ADGRL3: variants seen among roughly 807,000 people sequenced by gnomAD.
ADGRL3 encodes the protein calcium-independent alpha-latrotoxin receptor 3.
ADGRL3 carries 62 observed loss-of-function variants against 153.5 expected under a neutral mutation model. The observed-to-expected ratio is 0.40, with a 90% confidence interval of 0.33 to 0.50. The LOEUF (loss-of-function observed/expected upper bound fraction) is 0.50, where lower values mean the gene tolerates loss of function less well. Among genes scored for constraint, ADGRL3 ranks in the 20% least tolerant of loss-of-function variants. The pLI is 0.47. For missense variants in ADGRL3, 1,641 were observed against 1,859.4 expected (o/e 0.88, Z 2.16); for synonymous variants, 710 against 672.5 (o/e 1.06, Z -0.86).
chr4:61,219,827 G>A (rs1744564654), intron 1 of ADGRL3, among the ~76,000 whole-genome samples: 1 of 152,034 alleles, frequency 6.6e-6, no homozygotes, highest in Non-Finnish European at 1.5e-5. Context: ...AAAGTCATCT[G>A]CCAGGTGCAG....
At chr4:61,890,368 A>G (rs554520957) in intron 9 of ADGRL3, among the ~76,000 whole-genome samples, 309 of 152,340 alleles carry the variant, frequency 2.0e-3, no homozygotes, top group African/African-American at 7.2e-3. Flanking sequence ...CTACCACTGT[A>G]ACAATACCCA....
intron 5 of ADGRL3, among the ~76,000 whole-genome samples, chr4:61,669,776 A>G (rs2094928989): frequency 1.3e-5 from 2 of 152,024 alleles, no homozygotes; most frequent in Admixed American, 1.3e-4. Context: ...GGCACAAGGC[A>G]CTCTTTTTTA....
At chr4:61,520,818 T>A (rs1460371380) in intron 4 of ADGRL3, among the ~76,000 whole-genome samples, 1 of 152,016 alleles carries the variant, frequency 6.6e-6, no homozygotes, top group Non-Finnish European at 1.5e-5. Flanking sequence ...AGGGATTTTT[T>A]TTTCCTGTGA....
chr4:61,437,995 A>C (rs572143217), intron 2 of ADGRL3, among the ~76,000 whole-genome samples: 56 of 152,272 alleles, frequency 3.7e-4, no homozygotes, highest in African/African-American at 1.3e-3. Context: ...CAGCATACTT[A>C]ACAGAATTTT....
chr4:61,825,926 C>T (rs1174774641), intron 9 of ADGRL3, among the ~76,000 whole-genome samples: 1 of 152,148 alleles, frequency 6.6e-6, no homozygotes, highest in Non-Finnish European at 1.5e-5. Context: ...GGAACCTGAT[C>T]ACTGCTCCTC....
intron 2 of ADGRL3, among the ~76,000 whole-genome samples, chr4:61,386,043 G>A (rs1458025563): frequency 6.6e-6 from 1 of 152,138 alleles, no homozygotes; most frequent in African/African-American, 2.4e-5. Context: ...GATGGTGGTG[G>A]TTGTTTGAAA....
chr4:61,437,550 A>G (rs1032634403), intron 2 of ADGRL3, among the ~76,000 whole-genome samples: 10 of 152,190 alleles, frequency 6.6e-5, no homozygotes, highest in African/African-American at 2.2e-4. Flanking sequence ...TTGAGTTTAC[A>G]TGAAAGGTTT....
At chr4:61,232,308 C>T (rs1750991476) in intron 1 of ADGRL3, among the ~76,000 whole-genome samples, 1 of 102,118 alleles carries the variant, frequency 9.8e-6, no homozygotes, top group Admixed American at 1.2e-4. Context: ...AACAATGTCA[C>T]TTCATTTTTT....
chr4:61,397,230 TA>T (rs1333084117), intron 2 of ADGRL3, among the ~76,000 whole-genome samples: 3 of 151,904 alleles, frequency 2.0e-5, no homozygotes, highest in African/African-American at 7.2e-5. Flanking sequence ...TTCCTGTTGT[TA>T]AAACCTTTTC....
chr4:62,068,159 C>T lies in ADGRL3; in HGVS notation c.3815-7C>T. ...TTTTCTTTCCTTTTCTTCATGCTGTCGTTTAGAGCCCTACAGAGAGACAAG... is the reference window on the plus strand; with the variant it reads ...TTTTCTTTCCTTTTCTTCATGCTGTTGTTTAGAGCCCTACAGAGAGACAAG... On this transcript the variant is annotated splice_polypyrimidine_tract_variant and splice_region_variant and intron_variant, in intron 25 of 26. Transcript: ENST00000683033. 3 of 1,560,526 alleles carry T rather than the reference C, an allele frequency of 1.9e-6. No individual in the cohort carries two copies. The highest frequency in any genetic ancestry group is 2.3e-5 in the East Asian group (1 of 43,394).
At chr4:61,629,044 A>G (rs564219296) in intron 5 of ADGRL3, among the ~76,000 whole-genome samples, 3 of 152,280 alleles carry the variant, frequency 2.0e-5, no homozygotes, top group South Asian at 4.2e-4. Flanking sequence ...ATGCTGAGAA[A>G]ACAAGTGAGA....
intron 17 of ADGRL3, among the ~76,000 whole-genome samples, chr4:61,965,584 C>G (rs1167018063): frequency 6.6e-6 from 1 of 151,814 alleles, no homozygotes; most frequent in Non-Finnish European, 1.5e-5. Flanking sequence ...CCCATCTCTA[C>G]TAAAAATACA....
At chr4:61,430,716 A>T (rs1000091485) in intron 2 of ADGRL3, among the ~76,000 whole-genome samples, 2 of 152,154 alleles carry the variant, frequency 1.3e-5, no homozygotes, top group Non-Finnish European at 2.9e-5. Context: ...TTATTCAGGG[A>T]ATGGTGTTTC....
At chr4:61,850,244 T>C (rs576969516) in intron 9 of ADGRL3, among the ~76,000 whole-genome samples, 95 of 152,278 alleles carry the variant, frequency 6.2e-4, no homozygotes, top group African/African-American at 2.2e-3. Flanking sequence ...TTCTGTGTTA[T>C]TATTTTTCTC....
intron 9 of ADGRL3, among the ~76,000 whole-genome samples, chr4:61,814,495 A>C (rs1668918204): frequency 6.6e-6 from 1 of 152,152 alleles, no homozygotes; most frequent in Non-Finnish European, 1.5e-5. Context: ...TTTTAAATAA[A>C]TATTTACCAA....
intron 4 of ADGRL3, among the ~76,000 whole-genome samples, chr4:61,522,300 T>C (rs909471189): frequency 6.6e-6 from 1 of 152,174 alleles, no homozygotes; most frequent in Non-Finnish European, 1.5e-5. Flanking sequence ...TCTCCCTGTG[T>C]CTTTTGAGAA....
chr4:61,747,836 T>C (rs970305146), intron 8 of ADGRL3, among the ~76,000 whole-genome samples: 1 of 151,742 alleles, frequency 6.6e-6, no homozygotes, highest in African/African-American at 2.4e-5. Flanking sequence ...CTACTCAACA[T>C]AGTGTTGGAA....
At chr4:61,771,591 G>C (rs563809773) in intron 8 of ADGRL3, among the ~76,000 whole-genome samples, 1 of 152,192 alleles carries the variant, frequency 6.6e-6, no homozygotes, top group African/African-American at 2.4e-5. Context: ...CCTTTAATTA[G>C]TTATTTTTTT....
intron 17 of ADGRL3, among the ~76,000 whole-genome samples, chr4:61,949,450 C>A (rs1231818274): frequency 6.6e-6 from 1 of 152,116 alleles, no homozygotes; most frequent in African/African-American, 2.4e-5. Context: ...GTAATCCCAG[C>A]ACTTTGGGAG....
Sources: allele counts gnomAD v4.1 joint callset (sites outside exome capture counted in the v4.1 genomes callset), GRCh38; gene constraint gnomAD v4.1.1; transcripts MANE v1.5; gene names NCBI Gene and HGNC (gene_info 2026-07-23, HGNC 2026-07-21).